The following SLC2A13 variants were observed in gnomAD, a reference collection of about 807,000 sequenced individuals.
The protein encoded by SLC2A13 is solute carrier family 2 member 13, also known as proton myo-inositol cotransporter.
A neutral mutation model predicts 64.4 loss-of-function variants in SLC2A13; 32 were observed. The ratio of observed to expected loss-of-function variants is 0.50; its 90% confidence interval spans 0.37 to 0.67. The LOEUF (loss-of-function observed/expected upper bound fraction) is 0.67, where lower values mean the gene tolerates loss of function less well. Among genes scored for constraint, SLC2A13 ranks in the 30% least tolerant of loss-of-function variants. SLC2A13 has a pLI of 0.00. For synonymous variants in SLC2A13, 338 were observed against 327.1 expected (o/e 1.03, Z -0.36); for missense variants, 743 against 829.2 (o/e 0.90, Z 1.28).
At chr12:39,926,344 G>T (rs185610473) in intron 4 of SLC2A13, among the ~76,000 whole-genome samples, 14 of 152,198 alleles carry the variant, frequency 9.2e-5, no homozygotes, top group Admixed American at 6.5e-4. Context: ...GCCTCAGAAA[G>T]ATCCAAGGCA....
chr12:39,789,247 T>C (rs1411636708), intron 7 of SLC2A13, among the ~76,000 whole-genome samples: 2 of 151,938 alleles, frequency 1.3e-5, no homozygotes, highest in Non-Finnish European at 2.9e-5. Context: ...TTTCTACGCA[T>C]GTACTCCTAA....
chr12:39,813,350 A>G (rs1288742957), intron 7 of SLC2A13, among the ~76,000 whole-genome samples: 2 of 152,112 alleles, frequency 1.3e-5, no homozygotes, highest in African/African-American at 4.8e-5. Flanking sequence ...TAGAGAGTAT[A>G]GTATAATTAA....
In SLC2A13 at chr12:39,921,256, C is replaced by T. The variant is rs923694521; in HGVS notation, c.1034+30001G>A. The stretch of plus-strand genomic sequence containing the variant: ...GTTGGCTTTGAAGCGCATGCATGGT[C>T]TTCCTTCTGTTGCTAGAAAATGATG... On this transcript the variant is annotated intron_variant, in intron 4 of 9. Transcript: ENST00000280871. Among the ~76,000 whole-genome samples the T allele has an allele frequency of 2.6e-5, 4 of 152,038 alleles. 1 individual carries two copies. Among genetic ancestry groups the T allele is most frequent in the African/African-American group, 4.8e-5 (2 of 41,352 alleles).
At chr12:39,967,081 C>T (rs181934313) in intron 3 of SLC2A13, among the ~76,000 whole-genome samples, 60 of 152,258 alleles carry the variant, frequency 3.9e-4, no homozygotes, top group Non-Finnish European at 4.3e-4. Flanking sequence ...AAAATACTGA[C>T]TGAAATTTGA....
intron 7 of SLC2A13, among the ~76,000 whole-genome samples, chr12:39,799,079 T>TC (rs1448363631): frequency 1.6e-4 from 24 of 149,152 alleles, no homozygotes; most frequent in African/African-American, 5.6e-4. Context: ...TTTTTTTTTT[T>TC]CCTTTTTTTT....
intron 4 of SLC2A13, among the ~76,000 whole-genome samples, chr12:39,872,910 G>A (rs1300567127): frequency 6.6e-6 from 1 of 152,142 alleles, no homozygotes; most frequent in Admixed American, 6.6e-5. Flanking sequence ...TCAGACAGTG[G>A]TCATCCAAGC....
chr12:39,833,623 A>G (rs1451943518), intron 6 of SLC2A13, among the ~76,000 whole-genome samples: 1 of 152,098 alleles, frequency 6.6e-6, no homozygotes, highest in East Asian at 1.9e-4. Context: ...GAGAAATAAC[A>G]CAACCAGGCA....
chr12:39,945,393 G>A (rs1946116287), intron 4 of SLC2A13, among the ~76,000 whole-genome samples: 1 of 152,106 alleles, frequency 6.6e-6, no homozygotes, highest in African/African-American at 2.4e-5. Flanking sequence ...GTATTTGGAT[G>A]TCTAGGTCTC....
chr12:40,078,521 C>T (rs1279405023), intron 1 of SLC2A13, among the ~76,000 whole-genome samples: 1 of 152,140 alleles, frequency 6.6e-6, no homozygotes, highest in Non-Finnish European at 1.5e-5. Flanking sequence ...TTTCGATGTG[C>T]TGCTGGATTC....
At chr12:40,067,803 A>G (rs1937793047) in intron 1 of SLC2A13, among the ~76,000 whole-genome samples, 1 of 152,228 alleles carries the variant, frequency 6.6e-6, no homozygotes, top group Non-Finnish European at 1.5e-5. Context: ...TATTAGTCAA[A>G]GAATATTCAG....
At chr12:39,774,771 T>C (rs958350496) in intron 7 of SLC2A13, among the ~76,000 whole-genome samples, 1 of 152,162 alleles carries the variant, frequency 6.6e-6, no homozygotes. Context: ...GCCACTTTTT[T>C]CCTGAATAAA....
At chr12:39,912,137 AATAGAT>A (rs549823340) in intron 4 of SLC2A13, among the ~76,000 whole-genome samples, 84 of 152,134 alleles carry the variant, frequency 5.5e-4, no homozygotes, top group African/African-American at 2.0e-3. Context: ...CTAGGAATTC[AATAGAT>A]ATAATTTTCC....
chr12:39,986,058 G>A (rs945327885), intron 3 of SLC2A13, among the ~76,000 whole-genome samples: 2 of 152,046 alleles, frequency 1.3e-5, no homozygotes, highest in African/African-American at 2.4e-5. Flanking sequence ...CTCACATGAC[G>A]GGAGGGGAGA....
chr12:39,765,826 TCACCTAGGTATTAAG>T (rs1414963600), intron 7 of SLC2A13, among the ~76,000 whole-genome samples: 2 of 152,082 alleles, frequency 1.3e-5, no homozygotes, highest in Non-Finnish European at 2.9e-5. Context: ...TATCAACCCA[TCACCTAGGTATTAAG>T]CCCCATGTGC....
intron 3 of SLC2A13, among the ~76,000 whole-genome samples, chr12:39,969,717 T>G (rs1380833669): frequency 6.6e-6 from 1 of 151,994 alleles, no homozygotes; most frequent in Non-Finnish European, 1.5e-5. Context: ...GTCAGATGAA[T>G]AGATTGCAAA....
intron 3 of SLC2A13, among the ~76,000 whole-genome samples, chr12:39,999,372 C>T (rs966888079): frequency 5.3e-5 from 8 of 152,098 alleles, no homozygotes; most frequent in African/African-American, 9.7e-5. Flanking sequence ...TGGAAGATAT[C>T]GCTAAATTCT....
rs79575336 is a variant in SLC2A13, at chr12:39,858,974, TTAA to T, written c.1319+5785_1319+5787del. ...ATCTGACAGTCTTACAGTGCTCATG[TTAA>T]TGATGCGTTTGTTAAATAACACAAG... On this transcript the variant is annotated intron_variant, in intron 6 of 9. Transcript: ENST00000280871. Among the ~76,000 whole-genome samples the T allele has an allele frequency of 3.7e-3, 558 of 152,280 alleles. 10 individuals carry two copies. In the East Asian group the frequency reaches 0.085, roughly 23 times the overall value.
At chr12:39,860,259 TA>T (rs2135915937) in intron 6 of SLC2A13, among the ~76,000 whole-genome samples, 1 of 152,324 alleles carries the variant, frequency 6.6e-6, no homozygotes. Context: ...AGGCTTGAAT[TA>T]GGTTACATTT....
chr12:39,955,483 AAG>A (rs1276635701), intron 3 of SLC2A13, among the ~76,000 whole-genome samples: 1 of 151,206 alleles, frequency 6.6e-6, no homozygotes, highest in African/African-American at 2.5e-5. Flanking sequence ...AGTAGAAAAG[AAG>A]AGAGTTGAGA....
Sources: gnomAD v4.1 joint callset for allele counts (sites outside exome capture counted in the v4.1 genomes callset) on GRCh38, gnomAD v4.1.1 for gene constraint, MANE v1.5 for transcripts, NCBI Gene and HGNC (gene_info 2026-07-23, HGNC 2026-07-21) for gene names.